Variants in VWC2L observed in about 807,000 individuals in gnomAD.
The protein encoded by VWC2L is von Willebrand factor C domain-containing protein 2-like.
A neutral mutation model predicts 21.6 loss-of-function variants in VWC2L; 10 were observed. The observed-to-expected ratio is 0.46, with a 90% CI of 0.29 to 0.78. VWC2L has a LOEUF of 0.78. Ranked by LOEUF, VWC2L falls within the 30% of genes least tolerant of loss-of-function variation. The pLI is 0.10. For missense variants in VWC2L, 209 were observed against 277.1 expected (o/e 0.75, Z 1.74); for synonymous variants, 96 against 94.3 (o/e 1.02, Z -0.10).
chr2:214,493,435 A>G (rs1221318415), intron 3 of VWC2L, among the ~76,000 whole-genome samples: 1 of 152,224 alleles, frequency 6.6e-6, no homozygotes, highest in South Asian at 2.1e-4. Flanking sequence ...GGCTAGACCC[A>G]GAGGCTCACA....
chr2:214,506,986 T>A (rs1340603253), intron 3 of VWC2L, among the ~76,000 whole-genome samples: 1 of 143,758 alleles, frequency 7.0e-6, no homozygotes, highest in Non-Finnish European at 1.6e-5. Flanking sequence ...TTTTAAAAAA[T>A]GTTCTATGGA....
intron 3 of VWC2L, among the ~76,000 whole-genome samples, chr2:214,516,677 C>A (rs1377997896): frequency 6.7e-6 from 1 of 149,914 alleles, no homozygotes; most frequent in Non-Finnish European, 1.5e-5. Flanking sequence ...AAAAAGGAAG[C>A]TGGGGAAGAA....
At chr2:214,424,126 TTAAATC>T (rs1199929619) in intron 2 of VWC2L, among the ~76,000 whole-genome samples, 1 of 152,176 alleles carries the variant, frequency 6.6e-6, no homozygotes, top group East Asian at 1.9e-4. Context: ...TTTACATCAT[TTAAATC>T]TATGTTATTC....
At chr2:214,563,597 T>C (rs1048652667) in intron 3 of VWC2L, among the ~76,000 whole-genome samples, 1 of 140,176 alleles carries the variant, frequency 7.1e-6, no homozygotes, top group Non-Finnish European at 1.5e-5. Flanking sequence ...TGGTTCTAAA[T>C]GTGAAGCCTT....
At chr2:214,438,812 C>T (rs1256329617) in intron 3 of VWC2L, among the ~76,000 whole-genome samples, 1 of 151,958 alleles carries the variant, frequency 6.6e-6, no homozygotes, top group African/African-American at 2.4e-5. Context: ...ATAGACTTTA[C>T]TTGTTCAATC....
intron 3 of VWC2L, among the ~76,000 whole-genome samples, chr2:214,563,276 G>A (rs548339279): frequency 9.9e-5 from 15 of 152,066 alleles, no homozygotes; most frequent in Admixed American, 2.6e-4. Flanking sequence ...GGCCGGGTGC[G>A]GTGGTGCACG....
intron 3 of VWC2L, among the ~76,000 whole-genome samples, chr2:214,515,211 G>A (rs937393464): frequency 3.9e-5 from 6 of 152,134 alleles, no homozygotes; most frequent in South Asian, 4.1e-4. Context: ...AGACAGCCTC[G>A]TTGGGAATAT....
At chr2:214,453,063 T>A (rs2126185492) in intron 3 of VWC2L, among the ~76,000 whole-genome samples, 1 of 152,306 alleles carries the variant, frequency 6.6e-6, no homozygotes, top group Non-Finnish European at 1.5e-5. Flanking sequence ...GGGAGAGCGG[T>A]TTTTAATTAT....
At chr2:214,439,710 TTTATA>T (rs1466671919) in intron 3 of VWC2L, among the ~76,000 whole-genome samples, 2 of 151,878 alleles carry the variant, frequency 1.3e-5, no homozygotes, top group Non-Finnish European at 2.9e-5. Flanking sequence ...TGATTTAAAC[TTTATA>T]TTAAAGATAT....
chr2:214,539,118 C>A (rs1220858603), intron 3 of VWC2L, among the ~76,000 whole-genome samples: 1 of 152,094 alleles, frequency 6.6e-6, no homozygotes, highest in Non-Finnish European at 1.5e-5. Flanking sequence ...TGATGGTGCT[C>A]TCCTCGGATG....
At chr2:214,471,365 A>G (rs980899075) in intron 3 of VWC2L, among the ~76,000 whole-genome samples, 1 of 152,252 alleles carries the variant, frequency 6.6e-6, no homozygotes, top group African/African-American at 2.4e-5. Flanking sequence ...TCAATGGACC[A>G]AGGCAGAATG....
At chr2:214,437,256 A>T (rs1200348334) in intron 3 of VWC2L, among the ~76,000 whole-genome samples, 1 of 152,220 alleles carries the variant, frequency 6.6e-6, no homozygotes, top group Non-Finnish European at 1.5e-5. Context: ...AATAAAGATT[A>T]AAAAGTTTAG....
At position 214,432,469 on chromosome 2, in the gene VWC2L, C is replaced by A. The variant is rs115007127; in HGVS notation, c.391-4160C>A. The stretch of plus-strand genomic sequence containing the variant: ...GGGGAGGTGGCATTTGAGTTGACAC[C>A]TAGATGATGAGACTTCAGGAAAAGA... On this transcript the variant is annotated intron_variant, in intron 2 of 3. Coordinates refer to ENST00000312504, the MANE Select transcript of VWC2L (RefSeq NM_001080500.4). 6.4e-3 allele frequency among the ~76,000 whole-genome samples: 968 copies of A among 152,230 alleles called. 10 individuals carry two copies. The highest frequency in any genetic ancestry group is 0.022 in the African/African-American group (933 of 41,522).
At chr2:214,550,043 T>C (rs1028019273) in intron 3 of VWC2L, among the ~76,000 whole-genome samples, 2 of 152,164 alleles carry the variant, frequency 1.3e-5, no homozygotes, top group Non-Finnish European at 2.9e-5. Context: ...AACCCAGATA[T>C]GCAAATATTT....
chr2:214,441,196 A>T (rs1205362076), intron 3 of VWC2L, among the ~76,000 whole-genome samples: 1 of 152,170 alleles, frequency 6.6e-6, no homozygotes, highest in Non-Finnish European at 1.5e-5. Context: ...AGCCATGCAC[A>T]ATAAGAAAGA....
At chr2:214,412,015 A>G (rs1702280536) in intron 1 of VWC2L, among the ~76,000 whole-genome samples, 1 of 151,292 alleles carries the variant, frequency 6.6e-6, no homozygotes, top group African/African-American at 2.5e-5. Context: ...GGGCAGCTCA[A>G]TTATGAAGGC....
chr2:214,415,441 A>T (rs1295582912), intron 2 of VWC2L, among the ~76,000 whole-genome samples: 1 of 152,152 alleles, frequency 6.6e-6, no homozygotes, highest in East Asian at 1.9e-4. Context: ...ATGGCTTTAT[A>T]TAAAATGTTC....
At position 214,527,039 on chromosome 2, in the gene VWC2L, C is replaced by A. The variant is rs371059955; in HGVS notation, c.521-48633C>A. On this transcript the variant is annotated intron_variant, in intron 3 of 3. Coordinates refer to ENST00000312504, the MANE Select transcript of VWC2L (RefSeq NM_001080500.4). ...TGGTTCCGTGGTAGAAAATATGGCACGTATACACCATAGAATACTACACAG... is the reference window on the plus strand; with the variant it reads ...TGGTTCCGTGGTAGAAAATATGGCAAGTATACACCATAGAATACTACACAG... Among the ~76,000 whole-genome samples the A allele has an allele frequency of 2.0e-5, 3 of 152,016 alleles. No homozygotes were observed. The East Asian group carries it at 5.8e-4, about 29-fold the overall frequency.
At chr2:214,432,999 G>T (rs1702622528) in intron 2 of VWC2L, among the ~76,000 whole-genome samples, 1 of 150,134 alleles carries the variant, frequency 6.7e-6, no homozygotes, top group African/African-American at 2.5e-5. Flanking sequence ...TCCAGTCTGG[G>T]CAACACAGTA....
Sources: gnomAD v4.1 joint callset for allele counts (sites outside exome capture counted in the v4.1 genomes callset) on GRCh38, gnomAD v4.1.1 for gene constraint, MANE v1.5 for transcripts, NCBI Gene and HGNC (gene_info 2026-07-23, HGNC 2026-07-21) for gene names.